DCUN1D3: variants seen among roughly 807,000 people sequenced by gnomAD.
The protein encoded by DCUN1D3 is DCN1-like protein 3.
Under a neutral mutation model 24.8 loss-of-function variants are expected in DCUN1D3, and 6 were observed. The observed-to-expected ratio is 0.24, with a 90% CI of 0.13 to 0.48. DCUN1D3 has a LOEUF of 0.48. Ranked by LOEUF, DCUN1D3 falls within the 20% of genes least tolerant of loss-of-function variation. DCUN1D3 has a pLI of 0.99. For missense variants in DCUN1D3, 258 were observed against 379.4 expected, an observed-to-expected ratio of 0.68 and a Z score of 2.66; for synonymous variants, 120 against 144.9, an observed-to-expected ratio of 0.83 and a Z score of 1.24.
rs2081709293 is a variant in DCUN1D3 at position 20,857,753 on chromosome 16, G to GA, written c.*2132_*2133insT. ...CAAGACCCCCTTCAGCTTTCTAGCA[G>GA]TACTATACCGTGGGTGATCTTAAAG... On this transcript the variant is annotated 3_prime_UTR_variant, in exon 3 of 3. Coordinates refer to ENST00000324344, the MANE Select transcript of DCUN1D3 (RefSeq NM_173475.4). 1 of 152,188 alleles carries GA rather than the reference G, an allele frequency of 6.6e-6. No homozygotes were observed. The allele number at this position is 152,188 out of a possible 1,614,324, so 9.4% of individuals were successfully genotyped here.
intron 1 of DCUN1D3, among the ~76,000 whole-genome samples, chr16:20,875,320 T>C (rs1188273731): frequency 1.3e-5 from 2 of 152,164 alleles, no homozygotes; most frequent in Non-Finnish European, 2.9e-5. Context: ...TTGCGTTCAG[T>C]GTCTTGACTG....
At chr16:20,899,439 T>C (rs921760543) in intron 1 of DCUN1D3, among the ~76,000 whole-genome samples, 1 of 152,056 alleles carries the variant, frequency 6.6e-6, no homozygotes, top group African/African-American at 2.4e-5. Flanking sequence ...CTGTATGAAG[T>C]ATTACAAAGC....
rs2081703740 is a variant in DCUN1D3, at chr16:20,856,560, T to A, written c.*3326A>T. Reference sequence around the variant, plus strand: ...CCCAGGGGTTTGGTTAAAATTTAGATCTTCACCCAGCTCTAGATTCATCTT... The same window carrying A: ...CCCAGGGGTTTGGTTAAAATTTAGAACTTCACCCAGCTCTAGATTCATCTT... On this transcript the variant is annotated 3_prime_UTR_variant, in exon 3 of 3. Coordinates refer to ENST00000324344, the MANE Select transcript of DCUN1D3 (RefSeq NM_173475.4). 1 of 152,152 alleles carries A rather than the reference T, an allele frequency of 6.6e-6. No homozygotes were observed. Among genetic ancestry groups the A allele is most frequent in the South Asian group, 2.1e-4 (1 of 4,828 alleles). 9.4% of individuals were successfully genotyped at this position (152,152 alleles called of 1,614,324 possible).
chr16:20,867,586 A>G (rs1025929882), intron 1 of DCUN1D3, among the ~76,000 whole-genome samples: 1 of 152,260 alleles, frequency 6.6e-6, no homozygotes, highest in African/African-American at 2.4e-5. Flanking sequence ...CTGCAAAATG[A>G]TATCTGCCTG....
intron 1 of DCUN1D3, among the ~76,000 whole-genome samples, chr16:20,898,025 C>T (rs2081925516): frequency 6.6e-6 from 1 of 152,192 alleles, no homozygotes. Flanking sequence ...CTCCAACTCT[C>T]CCCCGTGTTC....
At chr16:20,877,255 C>T (rs879290176) in intron 1 of DCUN1D3, among the ~76,000 whole-genome samples, 18 of 150,852 alleles carry the variant, frequency 1.2e-4, no homozygotes, top group Admixed American at 9.9e-4. Flanking sequence ...CTGAGTTCTG[C>T]GATGAAAAAA....
intron 1 of DCUN1D3, among the ~76,000 whole-genome samples, chr16:20,885,272 G>A (rs1375573512): frequency 3.3e-5 from 5 of 152,080 alleles, no homozygotes; most frequent in East Asian, 1.9e-4. Context: ...CATTGCACCC[G>A]GCATTTTGCT....
rs1331075571 is a variant in DCUN1D3, at chr16:20,858,266, G to T, written c.*1620C>A. The T allele has an allele frequency of 1.3e-5, 2 of 152,582 alleles. No individual in the cohort carries two copies. The highest frequency in any genetic ancestry group is 2.9e-5 in the Non-Finnish European group (2 of 68,042). 9.5% of individuals were successfully genotyped at this position (152,582 alleles called of 1,614,324 possible). The stretch of plus-strand genomic sequence containing the variant: ...CCCAGAGTGAGCTCCTCAGGCCCCT[G>T]TGGCAGCCTGGCCAAAGCTGGCCTT... On this transcript the variant is annotated 3_prime_UTR_variant, in exon 3 of 3. Transcript: ENST00000324344.
chr16:20,885,137 G>A (rs554998750), intron 1 of DCUN1D3, among the ~76,000 whole-genome samples: 44 of 151,904 alleles, frequency 2.9e-4, no homozygotes, highest in Non-Finnish European at 2.4e-4. Context: ...CACCATACTC[G>A]GCTAATTTTT....
In DCUN1D3 at chr16:20,862,602, C is replaced by T; in HGVS notation, c.-64G>A. ...ATTGGATGCCCTCGCTGCCGCTGGCCCATGTACCTCAACATGCCATCAGCC... is the reference window on the plus strand; with the variant it reads ...ATTGGATGCCCTCGCTGCCGCTGGCTCATGTACCTCAACATGCCATCAGCC... On this transcript the variant is annotated 5_prime_UTR_variant, in exon 2 of 3. Transcript: ENST00000324344. The T allele has an allele frequency of 6.5e-7, 1 of 1,535,472 alleles. No homozygotes were observed. Among genetic ancestry groups the T allele is most frequent in the Non-Finnish European group, 8.7e-7 (1 of 1,150,638 alleles).
At position 20,857,539 on chromosome 16, in the gene DCUN1D3, T is replaced by TC. The variant is rs2081708137; in HGVS notation, c.*2346dup. 1.3e-5 allele frequency: 2 copies of TC among 152,194 alleles called. No homozygotes were observed. The highest frequency in any genetic ancestry group is 1.3e-4 in the Admixed American group (2 of 15,270). 9.4% of individuals were successfully genotyped at this position (152,194 alleles called of 1,614,324 possible). On this transcript the variant is annotated 3_prime_UTR_variant, in exon 3 of 3. Transcript: ENST00000324344. ...ATCTGGCCAAGAGCAGCCTGGCTTTTCCCTCAGTCAACCACTACCCAATCC... is the reference window on the plus strand; with the variant it reads ...ATCTGGCCAAGAGCAGCCTGGCTTTTCCCCTCAGTCAACCACTACCCAATCC...
At chr16:20,862,733 A>C (rs1036882801) in intron 1 of DCUN1D3, 90 bp from the exon 2 acceptor site, 4 of 1,251,966 alleles carry the variant, frequency 3.2e-6, no homozygotes, top group Non-Finnish European at 4.3e-6. Flanking sequence ...TCACCGCTCT[A>C]TTTCCATGAG....
intron 1 of DCUN1D3, among the ~76,000 whole-genome samples, chr16:20,894,572 C>G (rs1567431664): frequency 6.6e-6 from 1 of 152,186 alleles, no homozygotes; most frequent in Non-Finnish European, 1.5e-5. Flanking sequence ...CTATGCAATC[C>G]AAGCTTCTGT....
rs886970248 is a variant in DCUN1D3 at position 20,857,488 on chromosome 16, C to T, written c.*2398G>A. On this transcript the variant is annotated 3_prime_UTR_variant, in exon 3 of 3. Coordinates refer to ENST00000324344, the MANE Select transcript of DCUN1D3 (RefSeq NM_173475.4). Reference sequence around the variant, plus strand: ...CTTTTGTGCAGCTTTCTCTGATACACTCTGATCTGGGATGGAAAGGGCCTT... The same window carrying T: ...CTTTTGTGCAGCTTTCTCTGATACATTCTGATCTGGGATGGAAAGGGCCTT... 6.6e-6 allele frequency: 1 copy of T among 152,268 alleles called. No individual in the cohort carries two copies. Among genetic ancestry groups the T allele is most frequent in the Non-Finnish European group, 1.5e-5 (1 of 68,082 alleles). 9.4% of individuals were successfully genotyped at this position (152,268 alleles called of 1,614,324 possible).
intron 1 of DCUN1D3, among the ~76,000 whole-genome samples, chr16:20,888,205 T>C (rs963590554): frequency 3.3e-5 from 5 of 152,238 alleles, no homozygotes; most frequent in Non-Finnish European, 5.9e-5. Flanking sequence ...ATGGATGCCA[T>C]GTAGCCAATA....
chr16:20,889,389 A>G (rs1331874494), intron 1 of DCUN1D3, among the ~76,000 whole-genome samples: 4 of 152,138 alleles, frequency 2.6e-5, no homozygotes, highest in African/African-American at 9.7e-5. Flanking sequence ...GAAGAAAAAA[A>G]AAAAAGGTAA....
chr16:20,891,155 G>A (rs1337892425), intron 1 of DCUN1D3, among the ~76,000 whole-genome samples: 4 of 151,978 alleles, frequency 2.6e-5, no homozygotes, highest in East Asian at 1.9e-4. Context: ...CACCATGCCC[G>A]GCTAATTTTT....
intron 1 of DCUN1D3, among the ~76,000 whole-genome samples, chr16:20,893,331 C>T (rs1596641610): frequency 6.6e-6 from 1 of 152,254 alleles, no homozygotes; most frequent in African/African-American, 2.4e-5. Context: ...CACCACCACG[C>T]CCAGCTCCTT....
At chr16:20,874,161 A>G (rs142769964) in intron 1 of DCUN1D3, among the ~76,000 whole-genome samples, 4 of 152,324 alleles carry the variant, frequency 2.6e-5, no homozygotes, top group African/African-American at 9.6e-5. Flanking sequence ...GAGAGAGAAG[A>G]TCTAATTGCC....
Sources: allele counts gnomAD v4.1 joint callset (sites outside exome capture counted in the v4.1 genomes callset), GRCh38; gene constraint gnomAD v4.1.1; transcripts MANE v1.5; gene names NCBI Gene and HGNC (gene_info 2026-07-23, HGNC 2026-07-21).